The following SEMA3E variants were observed in gnomAD, a reference collection of about 807,000 sequenced individuals.
The protein encoded by SEMA3E is semaphorin-3E.
In SEMA3E, 49 loss-of-function variants were observed where a neutral mutation model predicts 93.6. The observed-to-expected ratio is 0.52, with a 90% CI of 0.42 to 0.66. The LOEUF (loss-of-function observed/expected upper bound fraction) is 0.66. Ranked by LOEUF, SEMA3E falls within the 30% of genes least tolerant of loss-of-function variation. SEMA3E has a pLI of 0.00. For missense variants in SEMA3E, 906 were observed against 964.8 expected (o/e 0.94, Z 0.81); for synonymous variants, 363 against 330.7 (o/e 1.10, Z -1.06).
At chr7:83,495,046 C>A (rs112810871) in intron 1 of SEMA3E, among the ~76,000 whole-genome samples, 3,278 of 151,956 alleles carry the variant, frequency 0.022, 119 homozygotes, top group African/African-American at 0.076. Context: ...CTTAGCCAGT[C>A]TGTCTTTATC....
chr7:83,639,337 A>G (rs1466577276), intron 1 of SEMA3E, among the ~76,000 whole-genome samples: 1 of 152,014 alleles, frequency 6.6e-6, no homozygotes, highest in African/African-American at 2.4e-5. Context: ...AATGTAATTC[A>G]ATCAAGACTT....
chr7:83,564,059 C>T (rs113222073), intron 1 of SEMA3E, among the ~76,000 whole-genome samples: 6 of 151,892 alleles, frequency 4.0e-5, no homozygotes, highest in African/African-American at 7.2e-5. Context: ...ATATAGAAGC[C>T]GATAATGGAA....
intron 1 of SEMA3E, among the ~76,000 whole-genome samples, chr7:83,646,846 A>G (rs1022155999): frequency 1.3e-5 from 2 of 152,088 alleles, no homozygotes; most frequent in East Asian, 3.8e-4. Context: ...AACCATGAAA[A>G]CACAAGTACC....
intron 1 of SEMA3E, among the ~76,000 whole-genome samples, chr7:83,518,328 A>G (rs1159767754): frequency 6.6e-6 from 1 of 151,988 alleles, no homozygotes; most frequent in African/African-American, 2.4e-5. Context: ...AAAAAAAAAG[A>G]TAGCAGATGA....
chr7:83,388,334 T>C (rs1362907782), intron 14 of SEMA3E, among the ~76,000 whole-genome samples: 1 of 146,452 alleles, frequency 6.8e-6, no homozygotes, highest in Non-Finnish European at 1.5e-5. Flanking sequence ...AAAAAAAATA[T>C]ATATATATCT....
Position 83,630,919 on chromosome 7 carries a change from T to C in SEMA3E, c.115+17509A>G, listed in dbSNP as rs192129109. Among the ~76,000 whole-genome samples, 11 of 152,314 alleles carry C rather than the reference T, an allele frequency of 7.2e-5. No individual in the cohort carries two copies. The East Asian group carries it at 1.9e-3, about 27-fold the overall frequency. ...CATAAAGTCTTTTGTAAAATTATTT[T>C]TTACAGATTACCATTTGACTTACAA... is the stretch of plus-strand genomic sequence containing the variant. On this transcript the variant is annotated intron_variant, in intron 1 of 16. Coordinates refer to ENST00000643230, the MANE Select transcript of SEMA3E (RefSeq NM_012431.3).
At position 83,419,431 on chromosome 7, in the gene SEMA3E, C is replaced by G. The variant is rs534420585; in HGVS notation, c.457-948G>C. Among the ~76,000 whole-genome samples, 16 of 152,196 alleles carry G rather than the reference C, an allele frequency of 1.1e-4. 1 individual carries two copies. The East Asian group carries it at 3.1e-3, about 29-fold the overall frequency. On this transcript the variant is annotated intron_variant, in intron 4 of 16. Coordinates refer to ENST00000643230, the MANE Select transcript of SEMA3E (RefSeq NM_012431.3). The stretch of plus-strand genomic sequence containing the variant: ...CTTTTTGGTAGAATGATTCATTTTC[C>G]TTTGGAAATTTACCCAGTAATTGGG...
chr7:83,558,492 C>A (rs2115826721), intron 1 of SEMA3E, among the ~76,000 whole-genome samples: 1 of 152,116 alleles, frequency 6.6e-6, no homozygotes, highest in Non-Finnish European at 1.5e-5. Context: ...TAAACTGTGT[C>A]ATTTCAGGAG....
intron 4 of SEMA3E, among the ~76,000 whole-genome samples, chr7:83,450,449 ACAC>A (rs1295813858): frequency 6.6e-6 from 1 of 152,230 alleles, no homozygotes; most frequent in Non-Finnish European, 1.5e-5. Context: ...CGAAAACTAC[ACAC>A]AACATAGATC....
At chr7:83,382,861 G>C (rs1195631514) in intron 16 of SEMA3E, among the ~76,000 whole-genome samples, 1 of 151,902 alleles carries the variant, frequency 6.6e-6, no homozygotes, top group Non-Finnish European at 1.5e-5. Context: ...AGTTTAGAAA[G>C]TAGACAATTG....
chr7:83,576,520 A>G (rs1171447438), intron 1 of SEMA3E, among the ~76,000 whole-genome samples: 1 of 152,188 alleles, frequency 6.6e-6, no homozygotes, highest in Non-Finnish European at 1.5e-5. Context: ...TCTATAAGTC[A>G]GTTTGCCATG....
chr7:83,464,894 T>G (rs1286026137), intron 4 of SEMA3E, among the ~76,000 whole-genome samples: 1 of 150,692 alleles, frequency 6.6e-6, no homozygotes, highest in East Asian at 2.0e-4. Context: ...CCCCAACACT[T>G]CAACACTATT....
intron 16 of SEMA3E, among the ~76,000 whole-genome samples, chr7:83,370,596 G>A (rs1045857760): frequency 2.6e-5 from 4 of 152,002 alleles, no homozygotes; most frequent in Non-Finnish European, 4.4e-5. Context: ...TTCTGTTTCA[G>A]GATCTCTGTG....
chr7:83,617,772 A>G (rs1483529188), intron 1 of SEMA3E, among the ~76,000 whole-genome samples: 1 of 151,418 alleles, frequency 6.6e-6, no homozygotes, highest in Non-Finnish European at 1.5e-5. Context: ...AATTCTGACA[A>G]AGTAAAGTAG....
chr7:83,628,378 T>G (rs796327314), intron 1 of SEMA3E, among the ~76,000 whole-genome samples: 1 of 152,148 alleles, frequency 6.6e-6, no homozygotes, highest in East Asian at 1.9e-4. Flanking sequence ...TATCCTGATG[T>G]GTGTTTTCCA....
chr7:83,483,208 A>G (rs904444023), intron 2 of SEMA3E, among the ~76,000 whole-genome samples: 3 of 152,200 alleles, frequency 2.0e-5, no homozygotes, highest in African/African-American at 7.2e-5. Context: ...TAGAAGGCAA[A>G]CTATAGTAGT....
intron 1 of SEMA3E, among the ~76,000 whole-genome samples, chr7:83,502,690 C>A (rs1790618465): frequency 6.6e-6 from 1 of 152,142 alleles, no homozygotes; most frequent in Admixed American, 6.5e-5. Context: ...TGCATGAATG[C>A]TACTAGGTTT....
rs1360883404 is a variant in SEMA3E, at chr7:83,405,966, C to G, written c.907G>C (p.Asp303His). ...VCSVPGMNGI[D>H]TYFDELEDVF... is the part of the protein sequence containing the mutation. The stretch of plus-strand genomic sequence containing the variant: ...TTACCTAATTCATCAAAATATGTGT[C>G]AATTCCATTCATTCCTGGTACTGAG... Residue 303 changes from aspartate (D) to histidine (H), a missense_variant, in exon 8 of 17, where the codon GAC becomes CAC. Coordinates refer to ENST00000643230, the MANE Select transcript of SEMA3E (RefSeq NM_012431.3). 5.0e-6 allele frequency: 8 copies of G among 1,612,360 alleles called. No homozygotes were observed. The Admixed American group carries it at 6.7e-5, about 13-fold the overall frequency.
Position 83,405,848 on chromosome 7 carries a change from A to G in SEMA3E, c.928+97T>C. The G allele has an allele frequency of 7.3e-6, 7 of 965,026 alleles. No homozygotes were observed. The South Asian group carries it at 9.4e-5, about 13-fold the overall frequency. 59.8% of individuals were successfully genotyped at this position (965,026 alleles called of 1,614,324 possible). On this transcript the variant is annotated intron_variant, in intron 8 of 16. Transcript: ENST00000643230. ...ACTTGCTCTATGTTAGATAGAGGTC[A>G]AATACACAGAAAGCAAGTTTCTATG...
Sources: gnomAD v4.1 joint callset for allele counts (sites outside exome capture counted in the v4.1 genomes callset) on GRCh38, gnomAD v4.1.1 for gene constraint, MANE v1.5 for transcripts, NCBI Gene and HGNC (gene_info 2026-07-23, HGNC 2026-07-21) for gene names.